Variants in WTAP observed in about 807,000 individuals in gnomAD.
The protein encoded by WTAP is WT1 associated protein.
A neutral mutation model predicts 50.0 loss-of-function variants in WTAP; 8 were observed. The ratio of observed to expected loss-of-function variants is 0.16; its 90% CI spans 0.09 to 0.29. The LOEUF is 0.29. Ranked by LOEUF, WTAP falls within the 10% of genes least tolerant of loss-of-function variation. The probability of loss-of-function intolerance (pLI) is 1.00; values close to 1 mark genes in which losing one functional copy is unlikely to be tolerated. For missense variants in WTAP, 295 were observed against 470.7 expected (o/e 0.63, Z 3.45); for synonymous variants, 194 against 169.0 (o/e 1.15, Z -1.15).
chr6:159,751,360 C>T (rs1195033989), intron 6 of WTAP, among the ~76,000 whole-genome samples: 1 of 152,154 alleles, frequency 6.6e-6, no homozygotes, highest in Admixed American at 6.5e-5. Flanking sequence ...TTTTTCTACT[C>T]TTTAAAATTC....
At chr6:159,745,257 T>C (rs1779506742) in intron 5 of WTAP, 1 of 152,240 alleles carries the variant, frequency 6.6e-6, no homozygotes, top group African/African-American at 2.4e-5. Flanking sequence ...ATAGTTGATG[T>C]GTGCACATCA....
At chr6:159,742,199 A>G (rs1779298821) in intron 4 of WTAP, 53 bp downstream of exon 4, 6 of 1,427,920 alleles carry the variant, frequency 4.2e-6, no homozygotes, top group Non-Finnish European at 5.8e-6. Context: ...TTTGATTGTT[A>G]AAATCAAAAG....
At chr6:159,727,500 G>A (rs1380850491), upstream of WTAP, 5 of 993,462 alleles carry the variant, frequency 5.0e-6, no homozygotes, top group African/African-American at 8.8e-5. Flanking sequence ...GGCGGGGCCT[G>A]GTTTCCTCCC....
upstream of WTAP, chr6:159,726,750 C>G: frequency 2.3e-6 from 3 of 1,282,506 alleles, no homozygotes; most frequent in Non-Finnish European, 3.0e-6. Flanking sequence ...CTCCTCGATG[C>G]GTCTCCAGAG....
upstream of WTAP, chr6:159,727,471 C>T: frequency 1.1e-6 from 1 of 938,470 alleles, no homozygotes; most frequent in Non-Finnish European, 1.2e-6. Flanking sequence ...CGGAGCCGTG[C>T]GGCGGGGCGG....
chr6:159,736,130 T>G, intron 1 of WTAP, 128 bp from the exon 2 acceptor site: 1 of 975,412 alleles, frequency 1.0e-6, no homozygotes, highest in South Asian at 1.7e-5. Context: ...AATTGTTTAT[T>G]TAAATTCTAA....
intron 1 of WTAP, among the ~76,000 whole-genome samples, chr6:159,729,917 T>G (rs919313936): frequency 6.6e-6 from 1 of 152,334 alleles, no homozygotes; most frequent in Middle Eastern, 3.4e-3. Flanking sequence ...TACTGGGATC[T>G]GGGATGCTAG....
upstream of WTAP, chr6:159,727,379 G>GGAGGCGA: frequency 8.9e-7 from 1 of 1,128,338 alleles, no homozygotes; most frequent in Non-Finnish European, 1.1e-6. Context: ...GAGGCTGGCG[G>GGAGGCGA]GAGGCGGGAG....
At chr6:159,736,816 A>G (rs1302010695) in intron 2 of WTAP, 1 of 152,718 alleles carries the variant, frequency 6.5e-6, no homozygotes, top group African/African-American at 2.4e-5. Flanking sequence ...GAGTTTAATT[A>G]CTCTTACATA....
chr6:159,729,862 A>G (rs1298723200), intron 1 of WTAP, among the ~76,000 whole-genome samples: 9 of 152,158 alleles, frequency 5.9e-5, no homozygotes, highest in Admixed American at 5.9e-4. Context: ...CTCCGTTCAG[A>G]GGGAACTGAG....
chr6:159,727,373 C>T (rs891991971), upstream of WTAP: 11 of 622,956 alleles, frequency 1.8e-5, no homozygotes, highest in African/African-American at 4.2e-4. Context: ...AGCGGGGAGG[C>T]TGGCGGGAGG....
intron 3 of WTAP, among the ~76,000 whole-genome samples, chr6:159,739,824 CTTTTTTTTTTTTTTTTTT>C (rs56389349): frequency 2.3e-5 from 2 of 85,158 alleles, no homozygotes; most frequent in African/African-American, 9.2e-5. Context: ...CACTTTTTAC[CTTTTTTTTTTTTTTTTTT>C]TTTTTTTTTT....
intron 1 of WTAP, among the ~76,000 whole-genome samples, chr6:159,733,354 C>T (rs565496316): frequency 4.5e-4 from 69 of 152,248 alleles, no homozygotes; most frequent in Middle Eastern, 3.4e-3. Flanking sequence ...CAGTGGCTCA[C>T]GCCTGTAATG....
chr6:159,729,566 T>C (rs569286782), intron 1 of WTAP, among the ~76,000 whole-genome samples: 3 of 137,932 alleles, frequency 2.2e-5, no homozygotes, highest in Non-Finnish European at 4.6e-5. Context: ...ATGTTCATAT[T>C]TTATTTGAAA....
intron 6 of WTAP, among the ~76,000 whole-genome samples, chr6:159,750,631 T>C (rs1779783111): frequency 6.6e-6 from 1 of 152,216 alleles, no homozygotes; most frequent in Non-Finnish European, 1.5e-5. Flanking sequence ...TTGTTTTTTT[T>C]TACTTGGTCT....
chr6:159,726,850 AC>A (rs1349207875), upstream of WTAP: 8 of 1,289,114 alleles, frequency 6.2e-6, no homozygotes, highest in Non-Finnish European at 8.1e-6. Flanking sequence ...CTCAAAACTT[AC>A]AGGTGAGCTT....
At chr6:159,753,207 G>T (rs1368663175) in intron 6 of WTAP, among the ~76,000 whole-genome samples, 2 of 152,164 alleles carry the variant, frequency 1.3e-5, no homozygotes, top group African/African-American at 4.8e-5. Context: ...TTTCAGAATT[G>T]ATTATTGATG....
intron 2 of WTAP, among the ~76,000 whole-genome samples, chr6:159,737,844 G>C (rs1050078913): frequency 2.0e-5 from 3 of 152,176 alleles, no homozygotes; most frequent in Non-Finnish European, 4.4e-5. Context: ...CCTTTATTTG[G>C]TGTAGTGAAT....
chr6:159,735,528 G>C (rs1023334466), intron 1 of WTAP, among the ~76,000 whole-genome samples: 2 of 152,104 alleles, frequency 1.3e-5, no homozygotes, highest in African/African-American at 4.8e-5. Context: ...AGGCGGACGG[G>C]TTGCAATGTC....
Sources: allele counts gnomAD v4.1 joint callset (sites outside exome capture counted in the v4.1 genomes callset), GRCh38; gene constraint gnomAD v4.1.1; transcripts MANE v1.5; gene names NCBI Gene and HGNC (gene_info 2026-07-23, HGNC 2026-07-21).